MAN1A1: variants seen among roughly 807,000 people sequenced by gnomAD.
The protein encoded by MAN1A1 is mannosyl-oligosaccharide 1,2-alpha-mannosidase IA.
MAN1A1 carries 29 observed loss-of-function variants against 70.8 expected under a neutral mutation model. The ratio of observed to expected loss-of-function variants is 0.41; its 90% confidence interval spans 0.31 to 0.56. The LOEUF is 0.56. MAN1A1 is among the 20% of genes least tolerant of loss of function. MAN1A1 has a pLI of 0.29. For missense variants in MAN1A1, 747 were observed against 841.3 expected (o/e 0.89, Z 1.39); for synonymous variants, 349 against 330.1 (o/e 1.06, Z -0.62).
At chr6:119,280,939 G>A (rs17588655) in intron 5 of MAN1A1, among the ~76,000 whole-genome samples, 17,688 of 152,222 alleles carry the variant, frequency 0.12, 1,127 homozygotes, top group Non-Finnish European at 0.14. Flanking sequence ...AAAGCACCAG[G>A]TCTTTAACAT....
intron 5 of MAN1A1, among the ~76,000 whole-genome samples, chr6:119,257,172 CAA>C (rs1213771693): frequency 7.9e-5 from 12 of 151,856 alleles, no homozygotes; most frequent in South Asian, 2.1e-4. Flanking sequence ...TGGAGGAAGA[CAA>C]GAGATAAAGC....
At position 119,309,733 on chromosome 6, in the gene MAN1A1, G is replaced by A. The variant is rs3798627; in HGVS notation, c.604-2741C>T. Reference sequence around the variant, plus strand: ...TCCTGGTGAAAGGTAGAGCTGACACGCTGTGTGAAAGGAAACAAAGGACCA... The same window carrying A: ...TCCTGGTGAAAGGTAGAGCTGACACACTGTGTGAAAGGAAACAAAGGACCA... On this transcript the variant is annotated intron_variant, in intron 2 of 12. Coordinates refer to ENST00000368468, the MANE Select transcript of MAN1A1 (RefSeq NM_005907.4). 5.9e-3 allele frequency among the ~76,000 whole-genome samples: 891 copies of A among 152,284 alleles called. 30 individuals are homozygous for A. In the East Asian group the frequency reaches 0.089, roughly 15 times the overall value.
At chr6:119,347,051 G>C (rs1773748504) in intron 2 of MAN1A1, among the ~76,000 whole-genome samples, 1 of 152,202 alleles carries the variant, frequency 6.6e-6, no homozygotes, top group Non-Finnish European at 1.5e-5. Context: ...GTATGGGAGG[G>C]TTCTGTCCCT....
At chr6:119,330,683 C>T (rs1337593067) in intron 2 of MAN1A1, among the ~76,000 whole-genome samples, 1 of 152,074 alleles carries the variant, frequency 6.6e-6, no homozygotes, top group African/African-American at 2.4e-5. Flanking sequence ...TTTCTGTGGC[C>T]CACTTCCTCT....
rs566864117 is a variant in MAN1A1, at chr6:119,235,632, G to A, written c.992+12628C>T. Among the ~76,000 whole-genome samples, 6 of 152,242 alleles carry A rather than the reference G, an allele frequency of 3.9e-5. No individual in the cohort carries two copies. The East Asian group carries it at 7.7e-4, about 20-fold the overall frequency. Reference sequence around the variant, plus strand: ...TGCAGAAGACTTGGCTAAGACTACCGCACTAAAATGTGTTAGTGGCCACAC... The same window carrying A: ...TGCAGAAGACTTGGCTAAGACTACCACACTAAAATGTGTTAGTGGCCACAC... On this transcript the variant is annotated intron_variant, in intron 6 of 12. Transcript: ENST00000368468.
At chr6:119,201,876 A>G (rs1202102352) in intron 7 of MAN1A1, among the ~76,000 whole-genome samples, 6 of 152,142 alleles carry the variant, frequency 3.9e-5, no homozygotes, top group Non-Finnish European at 7.3e-5. Flanking sequence ...TACATTTTAT[A>G]ACCCTATACA....
chr6:119,244,769 T>C, intron 6 of MAN1A1, among the ~76,000 whole-genome samples: 1 of 152,154 alleles, frequency 6.6e-6, no homozygotes, highest in African/African-American at 2.4e-5. Flanking sequence ...CTTAGGTTTG[T>C]CAATTACATG....
rs770661409 is a variant in MAN1A1 at position 119,331,990 on chromosome 6, C to T, written c.603+16473G>A. The T allele has an allele frequency of 4.3e-5, 22 of 505,936 alleles. 2 individuals are homozygous for T. Among genetic ancestry groups the T allele is most frequent in the South Asian group, 3.1e-4 (21 of 68,826 alleles). The allele number at this position is 505,936 out of a possible 1,614,324, so 31.3% of individuals were successfully genotyped here. On this transcript the variant is annotated intron_variant, in intron 2 of 12. Coordinates refer to ENST00000368468, the MANE Select transcript of MAN1A1 (RefSeq NM_005907.4). The stretch of plus-strand genomic sequence containing the variant: ...ACCCTGGGCAATTTGCTTGCCCCTT[C>T]CTGGCTTCAATTTCCTATGTATAAA...
At chr6:119,206,126 G>C (rs1250563941) in intron 6 of MAN1A1, among the ~76,000 whole-genome samples, 1 of 152,136 alleles carries the variant, frequency 6.6e-6, no homozygotes, top group Non-Finnish European at 1.5e-5. Context: ...TCTGGGCAAG[G>C]GAGAACACAC....
intron 6 of MAN1A1, among the ~76,000 whole-genome samples, chr6:119,226,336 G>A (rs1774512865): frequency 6.6e-6 from 1 of 152,202 alleles, no homozygotes; most frequent in South Asian, 2.1e-4. Flanking sequence ...ACGCACAGCA[G>A]CCTGGGTGGA....
chr6:119,334,456 T>C (rs1773401565), intron 2 of MAN1A1, among the ~76,000 whole-genome samples: 1 of 152,246 alleles, frequency 6.6e-6, no homozygotes, highest in Admixed American at 6.5e-5. Flanking sequence ...GTACCTCGTA[T>C]GTTAAGACTA....
intron 5 of MAN1A1, among the ~76,000 whole-genome samples, chr6:119,257,841 C>A (rs1775502746): frequency 6.6e-6 from 1 of 152,076 alleles, no homozygotes; most frequent in South Asian, 2.1e-4. Flanking sequence ...TAAATTACAG[C>A]AAGAACACCA....
At chr6:119,231,141 T>A (rs999115910) in intron 6 of MAN1A1, among the ~76,000 whole-genome samples, 2 of 152,166 alleles carry the variant, frequency 1.3e-5, no homozygotes, top group African/African-American at 4.8e-5. Flanking sequence ...GGAAAACTAT[T>A]AAAGATTCTT....
At chr6:119,319,381 A>ATCATCATC (rs1562240854) in intron 2 of MAN1A1, among the ~76,000 whole-genome samples, 11 of 145,310 alleles carry the variant, frequency 7.6e-5, no homozygotes, top group African/African-American at 2.9e-4. Context: ...TAATAATAAT[A>ATCATCATC]ATAATAATAA....
chr6:119,324,712 C>CA (rs2114481910), intron 2 of MAN1A1, among the ~76,000 whole-genome samples: 1 of 152,294 alleles, frequency 6.6e-6, no homozygotes, highest in Non-Finnish European at 1.5e-5. Context: ...CTATGGCTCT[C>CA]AGTCATGAAT....
intron 2 of MAN1A1, among the ~76,000 whole-genome samples, chr6:119,340,288 A>T (rs1028365640): frequency 2.6e-5 from 4 of 152,134 alleles, no homozygotes; most frequent in Admixed American, 2.0e-4. Flanking sequence ...TAGCTCCAGC[A>T]TGTATTCCCG....
At chr6:119,288,487 C>G (rs147233793) in intron 5 of MAN1A1, among the ~76,000 whole-genome samples, 10 of 151,942 alleles carry the variant, frequency 6.6e-5, no homozygotes, top group African/African-American at 2.4e-4. Flanking sequence ...GATATGAATA[C>G]AAATAGCTCA....
intron 2 of MAN1A1, among the ~76,000 whole-genome samples, chr6:119,341,578 T>C (rs1384161368): frequency 6.6e-6 from 1 of 152,102 alleles, no homozygotes; most frequent in Non-Finnish European, 1.5e-5. Flanking sequence ...AAATCTAAAT[T>C]CAATGTGAAG....
intron 6 of MAN1A1, among the ~76,000 whole-genome samples, chr6:119,215,052 G>C (rs979800778): frequency 6.6e-6 from 1 of 151,812 alleles, no homozygotes; most frequent in African/African-American, 2.4e-5. Flanking sequence ...CCTGTTGTGG[G>C]GTGGGGGGAA....
Sources: allele counts gnomAD v4.1 joint callset (sites outside exome capture counted in the v4.1 genomes callset), GRCh38; gene constraint gnomAD v4.1.1; transcripts MANE v1.5; gene names NCBI Gene and HGNC (gene_info 2026-07-23, HGNC 2026-07-21).